PRSS23: variants seen among roughly 807,000 people sequenced by gnomAD.
PRSS23 encodes serine protease 23, also known as protease, serine 23.
A neutral mutation model predicts 34.7 loss-of-function variants in PRSS23; 25 were observed. That is an observed-to-expected ratio of 0.72 (90% confidence interval 0.53 to 1.01). The LOEUF (loss-of-function observed/expected upper bound fraction) is 1.01, where lower values mean the gene tolerates loss of function less well. PRSS23 is among the 50% of genes least tolerant of loss of function. The probability of loss-of-function intolerance (pLI) is 0.00; values close to 1 mark genes in which losing one functional copy is unlikely to be tolerated. For synonymous variants in PRSS23, 176 were observed against 186.6 expected, an observed-to-expected ratio of 0.94 and a Z score of 0.46; for missense variants, 445 against 475.6, an observed-to-expected ratio of 0.94 and a Z score of 0.60.
intron 2 of PRSS23, among the ~76,000 whole-genome samples, chr11:86,841,578 C>T (rs1948449063): frequency 1.3e-5 from 2 of 152,132 alleles, no homozygotes; most frequent in Middle Eastern, 3.4e-3. Flanking sequence ...ATCAAATAGA[C>T]ACAATAAAAA....
upstream of PRSS23, among the ~76,000 whole-genome samples, chr11:86,799,979 G>A (rs879936669): frequency 1.8e-4 from 28 of 152,218 alleles, no homozygotes; most frequent in Non-Finnish European, 3.8e-4. Flanking sequence ...AGTTCGGTCA[G>A]CACCTTAAGG....
At position 86,821,547 on chromosome 11, in the gene PRSS23, G is replaced by C. The variant is rs1948251863; in HGVS notation, c.-11-1830G>C. ...GCTGTCATTTGAGTGCAAGTATCTG[G>C]ATGGCATTCACTCTGAAGTTTGACA... is the stretch of plus-strand genomic sequence containing the variant. On this transcript the variant is annotated intron_variant, in intron 1 of 2. Coordinates refer to the PRSS23 transcript ENST00000533902. 7 of 1,611,076 alleles carry C rather than the reference G, an allele frequency of 4.3e-6. No individual in the cohort carries two copies. In the East Asian group the frequency reaches 1.6e-4, roughly 36 times the overall value.
chr11:86,874,961 A>G (rs1001569690), intron 2 of PRSS23, among the ~76,000 whole-genome samples: 38 of 152,336 alleles, frequency 2.5e-4, no homozygotes, highest in East Asian at 1.9e-4. Context: ...TCCATGTGGC[A>G]TGGAATTCCT....
At chr11:86,813,543 C>T (rs576828368), downstream of PRSS23, among the ~76,000 whole-genome samples, 30 of 152,192 alleles carry the variant, frequency 2.0e-4, no homozygotes, top group South Asian at 1.7e-3. Context: ...TAATCAGGAC[C>T]GACTTATCCA....
chr11:86,907,968 C>G (rs1948954957), intron 2 of PRSS23, among the ~76,000 whole-genome samples: 1 of 152,234 alleles, frequency 6.6e-6, no homozygotes, highest in African/African-American at 2.4e-5. Context: ...CAGTGGGAAT[C>G]ACGCAGTAGT....
Position 86,808,903 on chromosome 11 carries a change from T to C in PRSS23, c.*108T>C, listed in dbSNP as rs1296142663. On this transcript the variant is annotated 3_prime_UTR_variant, in exon 2 of 2. Coordinates refer to ENST00000280258, the MANE Select transcript of PRSS23 (RefSeq NM_007173.6). ...GCACACGTGTGTGTGTGTGTGTGTG[T>C]GTGTGTAAGGTGTCTTATAATCTTT... is the stretch of plus-strand genomic sequence containing the variant. 6 of 923,342 alleles carry C rather than the reference T, an allele frequency of 6.5e-6. No individual in the cohort carries two copies. In the Admixed American group the frequency reaches 9.7e-5, roughly 15 times the overall value. The allele number at this position is 923,342 out of a possible 1,614,324, so 57.2% of individuals were successfully genotyped here.
intron 1 of PRSS23, among the ~76,000 whole-genome samples, chr11:86,817,396 G>A (rs1027392310): frequency 6.6e-6 from 1 of 152,196 alleles, no homozygotes; most frequent in East Asian, 1.9e-4. Context: ...AAAACAAAGT[G>A]AGCAATTCTG....
At chr11:86,870,635 C>A (rs576726278) in intron 2 of PRSS23, among the ~76,000 whole-genome samples, 1 of 152,068 alleles carries the variant, frequency 6.6e-6, no homozygotes, top group African/African-American at 2.4e-5. Context: ...TTACATATAC[C>A]TTATATCACC....
At chr11:86,885,554 A>G (rs76525344) in intron 2 of PRSS23, among the ~76,000 whole-genome samples, 88 of 152,358 alleles carry the variant, frequency 5.8e-4, no homozygotes, top group Non-Finnish European at 1.1e-3. Flanking sequence ...TCATCCAGTC[A>G]GTTGAAGGTC....
chr11:86,826,690 T>C (rs957788463), intron 2 of PRSS23, among the ~76,000 whole-genome samples: 1 of 152,108 alleles, frequency 6.6e-6, no homozygotes, highest in Non-Finnish European at 1.5e-5. Context: ...TTATTGAGAG[T>C]TTTTAGCATG....
At chr11:86,878,496 C>T (rs1284758169) in intron 2 of PRSS23, among the ~76,000 whole-genome samples, 1 of 152,152 alleles carries the variant, frequency 6.6e-6, no homozygotes, top group African/African-American at 2.4e-5. Context: ...AGCTCCTAAC[C>T]GCGAGTGATC....
chr11:86,861,111 C>T (rs1019229375), intron 2 of PRSS23, among the ~76,000 whole-genome samples: 2 of 151,442 alleles, frequency 1.3e-5, no homozygotes, highest in Admixed American at 6.6e-5. Context: ...CGTTAATACC[C>T]TGTGTGTCCA....
chr11:86,875,463 T>C lies in PRSS23; in HGVS notation c.206+51870T>C, dbSNP rs1470552142. ...GATTTTTAAAAATCCCTCTTGCCTC[T>C]TAATGTCTGTGAAAGACCGTGCTCT... On this transcript the variant is annotated intron_variant, in intron 2 of 2. Transcript: ENST00000533902. 2.5e-4 allele frequency among the ~76,000 whole-genome samples: 38 copies of C among 152,212 alleles called. 1 individual carries two copies. Among genetic ancestry groups the C allele is most frequent in the Admixed American group, 2.5e-3 (38 of 15,284 alleles).
At chr11:86,825,163 A>G (rs1367113096) in intron 2 of PRSS23, among the ~76,000 whole-genome samples, 3 of 151,576 alleles carry the variant, frequency 2.0e-5, no homozygotes, top group Non-Finnish European at 2.9e-5. Flanking sequence ...CTTTTTAATG[A>G]TTGCCATTCT....
intron 2 of PRSS23, among the ~76,000 whole-genome samples, chr11:86,871,461 C>G (rs1948683879): frequency 6.6e-6 from 1 of 152,152 alleles, no homozygotes. Flanking sequence ...TGGGTTCTCT[C>G]TGCATATTTT....
At chr11:86,833,101 C>G (rs1342405258) in intron 2 of PRSS23, 1 of 621,960 alleles carries the variant, frequency 1.6e-6, no homozygotes, top group Non-Finnish European at 3.0e-6. Flanking sequence ...CGGTCATAGG[C>G]CCTCACACTC....
At chr11:86,929,534 T>C (rs1373173912) in intron 2 of PRSS23, among the ~76,000 whole-genome samples, 3 of 144,746 alleles carry the variant, frequency 2.1e-5, no homozygotes, top group African/African-American at 5.1e-5. Flanking sequence ...TCCCAGATAC[T>C]TGGGAGGCTG....
intron 2 of PRSS23, among the ~76,000 whole-genome samples, chr11:86,923,298 A>C (rs1949058813): frequency 6.6e-6 from 1 of 151,930 alleles, no homozygotes; most frequent in Admixed American, 6.6e-5. Flanking sequence ...TAATTTTTTA[A>C]AATATTTTTG....
intron 2 of PRSS23, among the ~76,000 whole-genome samples, chr11:86,845,859 T>C (rs1271205923): frequency 6.6e-6 from 1 of 152,196 alleles, no homozygotes; most frequent in East Asian, 1.9e-4. Flanking sequence ...CAATTTCTTA[T>C]AAAAGTACTT....
Sources: gnomAD v4.1 joint callset for allele counts (sites outside exome capture counted in the v4.1 genomes callset) on GRCh38, gnomAD v4.1.1 for gene constraint, MANE v1.5 for transcripts, NCBI Gene and HGNC (gene_info 2026-07-23, HGNC 2026-07-21) for gene names.